The following FSIP1 variants were observed in gnomAD, a reference collection of about 807,000 sequenced individuals.
FSIP1 encodes the protein fibrous sheath interacting protein 1, also known as fibrous sheath-interacting protein 1.
FSIP1 carries 65 observed loss-of-function variants against 60.9 expected under a neutral mutation model. The observed-to-expected ratio is 1.07, with a 90% CI of 0.87 to 1.31. The LOEUF is 1.31. Ranked by LOEUF, FSIP1 falls within the 40% of genes most tolerant of loss-of-function variation. The pLI is 0.00. For synonymous variants in FSIP1, 209 were observed against 221.2 expected, an observed-to-expected ratio of 0.94 and a Z score of 0.49; for missense variants, 675 against 665.5, an observed-to-expected ratio of 1.01 and a Z score of -0.16.
At chr15:39,738,795 G>A (rs1030637605) in intron 7 of FSIP1, among the ~76,000 whole-genome samples, 4 of 152,316 alleles carry the variant, frequency 2.6e-5, no homozygotes, top group South Asian at 2.1e-4. Context: ...TCCTGAAGAA[G>A]ATCATATGAA....
At chr15:39,724,297 G>T (rs1896101359) in intron 9 of FSIP1, among the ~76,000 whole-genome samples, 1 of 150,458 alleles carries the variant, frequency 6.6e-6, no homozygotes, top group Admixed American at 6.6e-5. Flanking sequence ...CTGTCGCCCA[G>T]GCTGCAGTGC....
intron 10 of FSIP1, among the ~76,000 whole-genome samples, chr15:39,702,980 GTC>G (rs201019992): frequency 1.2e-3 from 94 of 81,548 alleles, no homozygotes; most frequent in African/African-American, 3.3e-3. Flanking sequence ...TATCATAATT[GTC>G]TTTTTTTTTT....
At chr15:39,649,180 A>C (rs1225697438) in intron 10 of FSIP1, among the ~76,000 whole-genome samples, 1 of 152,244 alleles carries the variant, frequency 6.6e-6, no homozygotes, top group Non-Finnish European at 1.5e-5. Flanking sequence ...AAGATGTATA[A>C]GGATAAATTA....
At chr15:39,716,890 C>T (rs374046767) in intron 9 of FSIP1, among the ~76,000 whole-genome samples, 9 of 145,634 alleles carry the variant, frequency 6.2e-5, no homozygotes, top group East Asian at 2.0e-4. Flanking sequence ...TCCTGGCTCC[C>T]GGCAACCTCT....
In FSIP1 at chr15:39,726,599, C is replaced by A. The variant is rs536201152; in HGVS notation, c.1040G>T (p.Arg347Leu). Residue 347 changes from arginine (R) to leucine (L), a missense_variant, in exon 9 of 12, where the codon CGG (arginine) becomes CTG (leucine). Arg to Leu is a moderately radical substitution (Grantham distance 102). Transcript: ENST00000350221. ...ISSFSPRLENRNNQKPDRDGE... is the reference protein window; with the variant it reads ...ISSFSPRLENLNNQKPDRDGE... ...GGGTTCTTCAAATACCTGATTATTCCGATTTTCAAGTCTTGGAGAAAAACT... is the reference window on the plus strand; with the variant it reads ...GGGTTCTTCAAATACCTGATTATTCAGATTTTCAAGTCTTGGAGAAAAACT... 6.2e-7 allele frequency: 1 copy of A among 1,613,766 alleles called. No homozygotes were observed. Among genetic ancestry groups the A allele is most frequent in the African/African-American group, 1.3e-5 (1 of 74,856 alleles).
intron 10 of FSIP1, among the ~76,000 whole-genome samples, chr15:39,661,162 T>C (rs978552675): frequency 6.6e-6 from 1 of 152,232 alleles, no homozygotes; most frequent in South Asian, 2.1e-4. Flanking sequence ...CACTAGATTG[T>C]TGGTATGCAA....
At chr15:39,757,429 C>A (rs1458298687) in intron 5 of FSIP1, among the ~76,000 whole-genome samples, 2 of 151,998 alleles carry the variant, frequency 1.3e-5, no homozygotes, top group African/African-American at 4.8e-5. Context: ...TTCATACTTG[C>A]AGTGAAAATA....
intron 10 of FSIP1, among the ~76,000 whole-genome samples, chr15:39,647,972 A>C (rs553555288): frequency 4.0e-5 from 6 of 151,846 alleles, no homozygotes; most frequent in African/African-American, 1.4e-4. Context: ...AGAATCTAGT[A>C]TAACATGGAC....
chr15:39,754,751 A>G (rs1290647450), intron 5 of FSIP1, among the ~76,000 whole-genome samples: 3 of 152,136 alleles, frequency 2.0e-5, no homozygotes, highest in Admixed American at 2.0e-4. Context: ...AGGAAGAAGG[A>G]AAGAAAAAGA....
At chr15:39,644,288 G>A (rs956629264) in intron 10 of FSIP1, among the ~76,000 whole-genome samples, 9 of 152,180 alleles carry the variant, frequency 5.9e-5, no homozygotes, top group Non-Finnish European at 7.3e-5. Flanking sequence ...CTGCCCGGCC[G>A]AGTGTGCCAT....
At chr15:39,756,348 C>A (rs778466004) in intron 5 of FSIP1, among the ~76,000 whole-genome samples, 43 of 152,050 alleles carry the variant, frequency 2.8e-4, no homozygotes, top group Non-Finnish European at 4.7e-4. Flanking sequence ...CAGCCATCAG[C>A]CCAAAGTCCT....
chr15:39,780,778 A>G (rs115849697), intron 1 of FSIP1, among the ~76,000 whole-genome samples: 3,260 of 152,270 alleles, frequency 0.021, 132 homozygotes, highest in African/African-American at 0.075. Context: ...TAGTAAAGAC[A>G]GGTTTCACTA....
intron 11 of FSIP1, among the ~76,000 whole-genome samples, chr15:39,602,195 C>CA (rs567931324): frequency 8.4e-4 from 128 of 152,016 alleles, no homozygotes; most frequent in Non-Finnish European, 1.3e-3. Context: ...TGTTGTTATA[C>CA]AAAAAAGACA....
chr15:39,722,691 G>A (rs913925318), intron 9 of FSIP1, among the ~76,000 whole-genome samples: 3 of 152,170 alleles, frequency 2.0e-5, no homozygotes, highest in Middle Eastern at 3.2e-3. Context: ...GGCACTTTGG[G>A]AGGTTGAGGC....
At chr15:39,611,430 G>A (rs1891026623) in intron 11 of FSIP1, among the ~76,000 whole-genome samples, 1 of 152,048 alleles carries the variant, frequency 6.6e-6, no homozygotes, top group South Asian at 2.1e-4. Context: ...GGGACTACAG[G>A]TATGCACAAC....
intron 1 of FSIP1, among the ~76,000 whole-genome samples, chr15:39,780,830 T>G (rs1898238586): frequency 6.6e-6 from 1 of 152,214 alleles, no homozygotes; most frequent in Non-Finnish European, 1.5e-5. Flanking sequence ...TCAAGTGATC[T>G]GCCTGCCTCA....
chr15:39,695,974 A>G (rs1309474594), intron 10 of FSIP1, among the ~76,000 whole-genome samples: 1 of 152,256 alleles, frequency 6.6e-6, no homozygotes, highest in Non-Finnish European at 1.5e-5. Flanking sequence ...CGCTTTCGCA[A>G]GAACATAATT....
intron 1 of FSIP1, among the ~76,000 whole-genome samples, chr15:39,779,510 A>G (rs958862795): frequency 2.6e-5 from 4 of 152,234 alleles, no homozygotes; most frequent in African/African-American, 9.6e-5. Flanking sequence ...ATCACCCAAC[A>G]TCCCACCACC....
At chr15:39,647,228 T>G (rs891776792) in intron 10 of FSIP1, among the ~76,000 whole-genome samples, 5 of 152,178 alleles carry the variant, frequency 3.3e-5, no homozygotes, top group Admixed American at 3.3e-4. Flanking sequence ...TTATTTGAGA[T>G]TCTTGCAAAA....
Sources: gnomAD v4.1 joint callset for allele counts (sites outside exome capture counted in the v4.1 genomes callset) on GRCh38, gnomAD v4.1.1 for gene constraint, MANE v1.5 for transcripts, NCBI Gene and HGNC (gene_info 2026-07-23, HGNC 2026-07-21) for gene names.